UBTD2: variants seen among roughly 807,000 people sequenced by gnomAD.
The protein encoded by UBTD2 is ubiquitin domain containing 2.
UBTD2 carries 9 observed loss-of-function variants against 19.8 expected under a neutral mutation model. The ratio of observed to expected loss-of-function variants is 0.46; its 90% confidence interval spans 0.27 to 0.79. The LOEUF (loss-of-function observed/expected upper bound fraction) is 0.79. Ranked by LOEUF, UBTD2 falls within the 30% of genes least tolerant of loss-of-function variation. UBTD2 has a pLI of 0.14. For missense variants in UBTD2, 250 were observed against 300.4 expected (o/e 0.83, Z 1.24); for synonymous variants, 98 against 103.9 (o/e 0.94, Z 0.35).
At chr5:172,249,778 A>C (rs779502703) in intron 1 of UBTD2, among the ~76,000 whole-genome samples, 1 of 152,216 alleles carries the variant, frequency 6.6e-6, no homozygotes, top group Non-Finnish European at 1.5e-5. Context: ...CCATAAGAAG[A>C]TATGTAATAT....
chr5:172,244,216 C>A (rs1328476306), intron 1 of UBTD2, among the ~76,000 whole-genome samples: 1 of 151,470 alleles, frequency 6.6e-6, no homozygotes, highest in Non-Finnish European at 1.5e-5. Context: ...CCTATTAAGT[C>A]AGCAACAGTA....
intron 2 of UBTD2, among the ~76,000 whole-genome samples, chr5:172,221,860 A>G (rs1771659065): frequency 6.6e-6 from 1 of 152,316 alleles, no homozygotes; most frequent in Admixed American, 6.5e-5. Flanking sequence ...CTGAGTGATA[A>G]TGATGTTTCA....
intron 2 of UBTD2, among the ~76,000 whole-genome samples, chr5:172,224,740 T>C (rs1045402476): frequency 5.9e-5 from 9 of 152,326 alleles, no homozygotes; most frequent in Admixed American, 4.6e-4. Flanking sequence ...CCTGTGGAAC[T>C]GTGAGTCAAT....
At chr5:172,248,305 C>T (rs1185919414) in intron 1 of UBTD2, among the ~76,000 whole-genome samples, 2 of 152,012 alleles carry the variant, frequency 1.3e-5, no homozygotes, top group African/African-American at 4.8e-5. Context: ...AAGACTACAG[C>T]GAGGCTGGAT....
At chr5:172,282,881 C>T (rs4868155) in intron 1 of UBTD2, among the ~76,000 whole-genome samples, 150,821 of 152,282 alleles carry the variant, frequency 0.99, 74,692 homozygotes, top group East Asian at 1. Context: ...TCCAACTGCA[C>T]TTGTACTTTT....
intron 1 of UBTD2, among the ~76,000 whole-genome samples, chr5:172,277,903 A>T (rs1755639612): frequency 6.6e-6 from 1 of 151,968 alleles, no homozygotes; most frequent in Non-Finnish European, 1.5e-5. Flanking sequence ...GGGCATAAAT[A>T]TTTCTCCAGG....
intron 1 of UBTD2, among the ~76,000 whole-genome samples, chr5:172,237,240 C>T (rs1474635168): frequency 1.3e-5 from 2 of 152,040 alleles, no homozygotes; most frequent in South Asian, 2.1e-4. Flanking sequence ...ACTACAGGCC[C>T]GCGCCACCAT....
At chr5:172,243,144 T>TA (rs5873304) in intron 1 of UBTD2, among the ~76,000 whole-genome samples, 1 of 150,470 alleles carries the variant, frequency 6.6e-6, no homozygotes, top group African/African-American at 2.4e-5. Context: ...TTTTTTTTTT[T>TA]AATATTTGAA....
At chr5:172,262,994 G>A (rs77402831) in intron 1 of UBTD2, among the ~76,000 whole-genome samples, 2,722 of 152,160 alleles carry the variant, frequency 0.018, 69 homozygotes, top group African/African-American at 0.062. Flanking sequence ...GTGGAGTGCA[G>A]TGGTATGATC....
intron 1 of UBTD2, among the ~76,000 whole-genome samples, chr5:172,247,217 A>G (rs559502258): frequency 5.3e-5 from 8 of 152,158 alleles, no homozygotes; most frequent in Non-Finnish European, 1.2e-4. Flanking sequence ...TGGCTATACT[A>G]TCATTAGACA....
intron 1 of UBTD2, among the ~76,000 whole-genome samples, chr5:172,268,415 C>G (rs1459604769): frequency 2.0e-5 from 3 of 152,116 alleles, no homozygotes; most frequent in Non-Finnish European, 4.4e-5. Flanking sequence ...CCAGGGAAAA[C>G]AGAGGCTACA....
intron 1 of UBTD2, among the ~76,000 whole-genome samples, chr5:172,276,635 G>T (rs1216946876): frequency 6.6e-6 from 1 of 151,976 alleles, no homozygotes; most frequent in Non-Finnish European, 1.5e-5. Context: ...ATGTGGGCCA[G>T]TTGCATTATG....
chr5:172,214,421 T>A (rs1681119147), intron 2 of UBTD2, among the ~76,000 whole-genome samples: 1 of 152,240 alleles, frequency 6.6e-6, no homozygotes. Flanking sequence ...CTCTTCTCTG[T>A]TTAGCCTCTG....
intron 1 of UBTD2, among the ~76,000 whole-genome samples, chr5:172,273,585 C>T (rs1433539854): frequency 9.0e-6 from 1 of 110,890 alleles, no homozygotes; most frequent in Non-Finnish European, 1.7e-5. Flanking sequence ...AGTGAGACTC[C>T]GTCTCAAAAA....
chr5:172,256,226 TTAAG>T (rs1236825729), intron 1 of UBTD2, among the ~76,000 whole-genome samples: 1 of 152,200 alleles, frequency 6.6e-6, no homozygotes, highest in East Asian at 1.9e-4. Flanking sequence ...AGCCACTCTA[TTAAG>T]TCATAGCTGT....
At chr5:172,262,617 G>A (rs776000370) in intron 1 of UBTD2, among the ~76,000 whole-genome samples, 10 of 151,820 alleles carry the variant, frequency 6.6e-5, no homozygotes, top group Non-Finnish European at 1.3e-4. Context: ...TTCGAGACCA[G>A]CCTCACCAAC....
intron 1 of UBTD2, among the ~76,000 whole-genome samples, chr5:172,249,444 C>T (rs1754947151): frequency 7.0e-6 from 1 of 143,134 alleles, no homozygotes; most frequent in South Asian, 2.3e-4. Context: ...CAATCCTTCT[C>T]AATCTCTTCC....
intron 2 of UBTD2, among the ~76,000 whole-genome samples, chr5:172,226,524 G>A (rs1771769473): frequency 6.6e-6 from 1 of 152,136 alleles, no homozygotes; most frequent in African/African-American, 2.4e-5. Context: ...CTTCTCTCAA[G>A]TTTTAAATCT....
At position 172,268,745 on chromosome 5, in the gene UBTD2, T is replaced by C. The variant is rs555217899; in HGVS notation, c.70+14851A>G. 6.6e-5 allele frequency among the ~76,000 whole-genome samples: 10 copies of C among 152,188 alleles called. No homozygotes were observed. In the East Asian group the frequency reaches 1.7e-3, roughly 26 times the overall value. The stretch of plus-strand genomic sequence containing the variant: ...GCCTGGGCAACAAAGTGAGACTCCA[T>C]CTTAAAAAAAGAATGTCATAGGGAA... On this transcript the variant is annotated intron_variant, in intron 1 of 2. Transcript: ENST00000393792.
Sources: allele counts gnomAD v4.1 joint callset (sites outside exome capture counted in the v4.1 genomes callset), GRCh38; gene constraint gnomAD v4.1.1; transcripts MANE v1.5; gene names NCBI Gene and HGNC (gene_info 2026-07-23, HGNC 2026-07-21).